Variants in TMC1 observed in about 807,000 individuals in gnomAD.
The protein encoded by TMC1 is transmembrane channel like 1.
In TMC1, 84 loss-of-function variants were observed where a neutral mutation model predicts 105.8. The ratio of observed to expected loss-of-function variants is 0.79; its 90% CI spans 0.67 to 0.95. The LOEUF (loss-of-function observed/expected upper bound fraction) is 0.95, where lower values mean the gene tolerates loss of function less well. Among genes scored for constraint, TMC1 ranks in the 40% least tolerant of loss-of-function variants. The probability of loss-of-function intolerance (pLI) is 0.00; values close to 1 mark genes in which losing one functional copy is unlikely to be tolerated. For missense variants in TMC1, 817 were observed against 914.1 expected (o/e 0.89, Z 1.37); for synonymous variants, 315 against 311.5 (o/e 1.01, Z -0.12).
chr9:72,720,705 A>C (rs962538010), intron 8 of TMC1, among the ~76,000 whole-genome samples: 1 of 152,222 alleles, frequency 6.6e-6, no homozygotes, highest in South Asian at 2.1e-4. Context: ...AACAAACTGG[A>C]TGACACCAAT....
At chr9:72,580,657 T>TA (rs372848891) in intron 2 of TMC1, among the ~76,000 whole-genome samples, 28 of 152,356 alleles carry the variant, frequency 1.8e-4, no homozygotes, top group African/African-American at 6.5e-4. Context: ...CATTAATTGA[T>TA]ATATACCACA....
chr9:72,599,117 G>A (rs1051254254), intron 2 of TMC1, among the ~76,000 whole-genome samples: 1 of 152,014 alleles, frequency 6.6e-6, no homozygotes, highest in African/African-American at 2.4e-5. Flanking sequence ...TGCAACCTCC[G>A]CCTCCTGGGT....
chr9:72,798,232 C>T (rs1002804780), intron 17 of TMC1, among the ~76,000 whole-genome samples: 1 of 151,730 alleles, frequency 6.6e-6, no homozygotes, highest in African/African-American at 2.4e-5. Context: ...CTGGCAAGGT[C>T]GCAGAGAAAA....
chr9:72,550,636 C>T (rs1823846078), intron 1 of TMC1, among the ~76,000 whole-genome samples: 3 of 120,072 alleles, frequency 2.5e-5, no homozygotes, highest in South Asian at 2.6e-4. Flanking sequence ...CCAGCCTGGG[C>T]GACAGAGGGA....
At chr9:72,661,343 T>C (rs2132161015) in intron 5 of TMC1, among the ~76,000 whole-genome samples, 1 of 152,348 alleles carries the variant, frequency 6.6e-6, no homozygotes, top group East Asian at 1.9e-4. Flanking sequence ...AGCAGCTGTG[T>C]CATCTTATTC....
Position 72,555,724 on chromosome 9 carries a change from A to C in TMC1, c.-427-22178A>C, listed in dbSNP as rs184835945. Among the ~76,000 whole-genome samples, 977 of 150,268 alleles carry C rather than the reference A, an allele frequency of 6.5e-3. 33 individuals carry two copies. The highest frequency in any genetic ancestry group is 0.054 in the Admixed American group (813 of 15,064). ...CAACCTCTGCCTCCCAGATTCAAGC[A>C]ATTCTCCTGCCTCAGCCTCCCGAGT... On this transcript the variant is annotated intron_variant, in intron 1 of 23. Coordinates refer to ENST00000297784, the MANE Select transcript of TMC1 (RefSeq NM_138691.3).
At chr9:72,648,017 A>G (rs1825742678) in intron 4 of TMC1, among the ~76,000 whole-genome samples, 1 of 152,238 alleles carries the variant, frequency 6.6e-6, no homozygotes, top group South Asian at 2.1e-4. Context: ...TTCCTCAGAA[A>G]AATAGCACTT....
chr9:72,673,630 A>G (rs1446608418), intron 5 of TMC1, among the ~76,000 whole-genome samples: 1 of 152,178 alleles, frequency 6.6e-6, no homozygotes, highest in Non-Finnish European at 1.5e-5. Flanking sequence ...ACAATAAGAT[A>G]ATATGATAAA....
At chr9:72,751,779 C>T in intron 10 of TMC1, 71 bp from the exon 11 acceptor site, 1 of 1,007,660 alleles carries the variant, frequency 9.9e-7, no homozygotes, top group Admixed American at 1.7e-5. Flanking sequence ...TGAAGGCAAC[C>T]AAGACAAAGC....
intron 5 of TMC1, among the ~76,000 whole-genome samples, chr9:72,672,260 T>G (rs1464539820): frequency 6.6e-6 from 1 of 151,980 alleles, no homozygotes; most frequent in Non-Finnish European, 1.5e-5. Flanking sequence ...TATTACTTAG[T>G]ACTTTTTTTA....
At chr9:72,575,387 G>A (rs996711035) in intron 1 of TMC1, among the ~76,000 whole-genome samples, 1 of 152,006 alleles carries the variant, frequency 6.6e-6, no homozygotes, top group African/African-American at 2.4e-5. Context: ...CACCATATTG[G>A]CCAGGCTGGT....
intron 12 of TMC1, among the ~76,000 whole-genome samples, chr9:72,761,486 T>G (rs1827754619): frequency 6.6e-6 from 1 of 152,196 alleles, no homozygotes; most frequent in African/African-American, 2.4e-5. Flanking sequence ...GCCTCCCCTT[T>G]TCTGCTGATT....
intron 1 of TMC1, among the ~76,000 whole-genome samples, chr9:72,546,382 A>T (rs1299807099): frequency 6.6e-6 from 1 of 152,246 alleles, no homozygotes; most frequent in Non-Finnish European, 1.5e-5. Context: ...CCACTGAATG[A>T]TTGAAAACAT....
rs554333067 is a variant in TMC1, at chr9:72,600,549, G to A, written c.-305-15819G>A. Among the ~76,000 whole-genome samples the A allele has an allele frequency of 3.3e-5, 5 of 152,218 alleles. No individual in the cohort carries two copies. The South Asian group carries it at 1.0e-3, about 32-fold the overall frequency. Reference sequence around the variant, plus strand: ...ATCTCTTGGAATATGGTCGTTTGGTGTTAAGCATTCTATCTGGCAAAATGA... The same window carrying A: ...ATCTCTTGGAATATGGTCGTTTGGTATTAAGCATTCTATCTGGCAAAATGA... On this transcript the variant is annotated intron_variant, in intron 2 of 23. Transcript: ENST00000297784.
At chr9:72,551,827 G>A (rs1334104628) in intron 1 of TMC1, among the ~76,000 whole-genome samples, 3 of 152,248 alleles carry the variant, frequency 2.0e-5, no homozygotes, top group Non-Finnish European at 2.9e-5. Context: ...GAGGAGAAGA[G>A]ACATAGACAC....
At chr9:72,776,246 T>C (rs536031739) in intron 13 of TMC1, among the ~76,000 whole-genome samples, 3 of 151,876 alleles carry the variant, frequency 2.0e-5, no homozygotes, top group South Asian at 2.1e-4. Flanking sequence ...ATAGATTATA[T>C]ATATATGAGA....
intron 21 of TMC1, among the ~76,000 whole-genome samples, chr9:72,829,528 T>C (rs1236052947): frequency 6.6e-6 from 1 of 152,122 alleles, no homozygotes; most frequent in Non-Finnish European, 1.5e-5. Flanking sequence ...CAAACATTTA[T>C]TGAGCACCTA....
intron 2 of TMC1, among the ~76,000 whole-genome samples, chr9:72,587,072 A>G (rs1019615208): frequency 7.2e-5 from 11 of 152,130 alleles, no homozygotes; most frequent in South Asian, 6.2e-4. Flanking sequence ...ACATTTTACA[A>G]TGCCCAGGAC....
At chr9:72,828,727 G>A (rs1828997305) in intron 21 of TMC1, among the ~76,000 whole-genome samples, 1 of 152,158 alleles carries the variant, frequency 6.6e-6, no homozygotes, top group South Asian at 2.1e-4. Flanking sequence ...TGAAACTCAT[G>A]TCTTCTCCTT....
Sources: gnomAD v4.1 joint callset for allele counts (sites outside exome capture counted in the v4.1 genomes callset) on GRCh38, gnomAD v4.1.1 for gene constraint, MANE v1.5 for transcripts, NCBI Gene and HGNC (gene_info 2026-07-23, HGNC 2026-07-21) for gene names.